The following KAT8 variants were observed in gnomAD, a reference collection of about 807,000 sequenced individuals.
The protein encoded by KAT8 is histone acetyltransferase KAT8.
KAT8 carries 40 observed loss-of-function variants against 62.9 expected under a neutral mutation model. The observed-to-expected ratio is 0.64, with a 90% CI of 0.49 to 0.83. KAT8 has a LOEUF of 0.83. KAT8 is among the 40% of genes least tolerant of loss of function. KAT8 has a pLI of 0.00. For missense variants in KAT8, 387 were observed against 614.8 expected (o/e 0.63, Z 3.92); for synonymous variants, 278 against 254.5 (o/e 1.09, Z -0.88).
intron 3 of KAT8, among the ~76,000 whole-genome samples, chr16:31,122,946 C>A (rs769398052): frequency 6.6e-6 from 1 of 151,902 alleles, no homozygotes; most frequent in South Asian, 2.1e-4. Flanking sequence ...CTTTGGGAGG[C>A]GGAGGTGGGT....
In KAT8 at chr16:31,130,784, C is replaced by A; in HGVS notation, c.1196C>A (p.Thr399Asn). 1 of 1,614,194 alleles carries A rather than the reference C, an allele frequency of 6.2e-7. No individual in the cohort carries two copies. The highest frequency in any genetic ancestry group is 8.5e-7 in the Non-Finnish European group (1 of 1,180,034). ...TSITQNDIISTLQSLNMVKYW... is the reference protein window; with the variant it reads ...TSITQNDIISNLQSLNMVKYW... ...ATCACCCAAAATGACATCATCAGTA[C>A]CCTGCAATCCCTCAATATGGTCAAG... The change falls in exon 10 of 11, where the codon ACC (threonine) becomes AAC (asparagine). Residue 399 changes from threonine (T) to asparagine (N), a missense_variant. Thr to Asn is a moderately conservative substitution (Grantham distance 65, BLOSUM62 0). Coordinates refer to ENST00000219797, the MANE Select transcript of KAT8 (RefSeq NM_032188.3).
Position 31,117,847 on chromosome 16 carries a change from G to T in KAT8, c.166G>T (p.Glu56Ter). The change falls in exon 1 of 11, where the codon GAG becomes TAG. Residue 56 changes from glutamate (E) to a stop codon, truncating the protein, a stop_gained. Coordinates refer to ENST00000219797, the MANE Select transcript of KAT8 (RefSeq NM_032188.3). LOFTEE classifies it high-confidence loss of function. ...PARGEPEVTV[E>*]IGETYLCRRP... Reference sequence around the variant, plus strand: ...GCGCGGCGAGCCGGAAGTCACGGTGGAGATCGGAGAAACGTACCTGTGCCG... The same window carrying T: ...GCGCGGCGAGCCGGAAGTCACGGTGTAGATCGGAGAAACGTACCTGTGCCG... 1 of 1,438,320 alleles carries T rather than the reference G, an allele frequency of 7.0e-7. No homozygotes were observed. Among genetic ancestry groups the T allele is most frequent in the African/African-American group, 1.5e-5 (1 of 67,666 alleles). 89.1% of individuals were successfully genotyped at this position (1,438,320 alleles called of 1,614,324 possible).
chr16:31,117,991 GC>G, intron 1 of KAT8, 99 bp downstream of exon 1: 2 of 951,258 alleles, frequency 2.1e-6, no homozygotes, highest in Non-Finnish European at 2.8e-6. Flanking sequence ...AGATCCGGGG[GC>G]TGGGAGTGGA....
In KAT8 at chr16:31,117,673, C is replaced by A; in HGVS notation, c.-9C>A. ...GGCGTCCGATTCTGGCGTCACTTCC[C>A]TTCCCGCGATGGCGGCACAGGGAGC... On this transcript the variant is annotated 5_prime_UTR_variant, in exon 1 of 11. Transcript: ENST00000219797. 7.2e-7 allele frequency: 1 copy of A among 1,388,032 alleles called. No individual in the cohort carries two copies. Among genetic ancestry groups the A allele is most frequent in the South Asian group, 1.6e-5 (1 of 62,814 alleles). 86.0% of individuals were successfully genotyped at this position (1,388,032 alleles called of 1,614,324 possible).
chr16:31,130,828 G>A lies in KAT8; in HGVS notation c.1240G>A (p.Val414Met), dbSNP rs769565083. 6 of 1,613,856 alleles carry A rather than the reference G, an allele frequency of 3.7e-6. No individual in the cohort carries two copies. The highest frequency in any genetic ancestry group is 5.1e-6 in the Non-Finnish European group (6 of 1,179,990). The change falls in exon 10 of 11, where the codon GTG becomes ATG. Residue 414 changes from valine to methionine, a missense_variant. Around this residue, in one of 6 missense-constraint regions of KAT8, gnomAD observed 75 missense variants for 105.7 expected, o/e 0.71. Coordinates refer to ENST00000219797, the MANE Select transcript of KAT8 (RefSeq NM_032188.3). ...GGTCAAGTACTGGAAGGGCCAGCAC[G>A]TGATCTGTGTCACACCCAAGCTGGT... ...NMVKYWKGQH[V>M]ICVTPKLVEE...
intron 7 of KAT8, 40 bp from the exon 8 acceptor site, chr16:31,130,227 C>T (rs1273749342): frequency 8.7e-6 from 14 of 1,612,692 alleles, no homozygotes; most frequent in African/African-American, 2.7e-5. Flanking sequence ...GAGAGTGGGG[C>T]AGAGCCTCCC....
At chr16:31,130,657 A>G in intron 9 of KAT8, 51 bp downstream of exon 9, 1 of 1,611,106 alleles carries the variant, frequency 6.2e-7, no homozygotes, top group South Asian at 1.1e-5. Context: ...GAGATGGGCC[A>G]CGATCCTGCT....
At chr16:31,118,391 A>G (rs1260141527) in intron 1 of KAT8, 4 of 152,646 alleles carry the variant, frequency 2.6e-5, no homozygotes, top group Admixed American at 6.6e-5. Context: ...TCTAGCCAAC[A>G]CTAGGAAAGG....
chr16:31,130,011 C>A lies in KAT8; in HGVS notation c.772-6C>A. ...CTGAGCCTGTCTCCCCCCTCCTCAA[C>A]CCTAGATTTACTGTCAGAACCTGTG... On this transcript the variant is annotated splice_region_variant and splice_polypyrimidine_tract_variant and intron_variant, in intron 6 of 10. Coordinates refer to ENST00000219797, the MANE Select transcript of KAT8 (RefSeq NM_032188.3). The A allele has an allele frequency of 1.2e-6, 2 of 1,614,144 alleles. No individual in the cohort carries two copies. Among genetic ancestry groups the A allele is most frequent in the Non-Finnish European group, 1.7e-6 (2 of 1,180,010 alleles).
At chr16:31,126,777 C>A in intron 3 of KAT8, 1 of 523,642 alleles carries the variant, frequency 1.9e-6, no homozygotes, top group East Asian at 3.3e-5. Flanking sequence ...CTGATCCTAA[C>A]CCTGTTCATC....
chr16:31,119,428 G>A (rs1281180114), intron 1 of KAT8, among the ~76,000 whole-genome samples: 2 of 152,156 alleles, frequency 1.3e-5, no homozygotes, highest in African/African-American at 4.8e-5. Flanking sequence ...GATTACAGGC[G>A]TGAGCCACGA....
chr16:31,120,579 C>T (rs2057485825), intron 3 of KAT8, 65 bp downstream of exon 3: 16 of 1,500,626 alleles, frequency 1.1e-5, no homozygotes, highest in East Asian at 2.4e-5. Context: ...CCTTGGGTCT[C>T]TCGGGCCCCA....
At chr16:31,122,043 G>A (rs762308848) in intron 3 of KAT8, among the ~76,000 whole-genome samples, 1 of 152,132 alleles carries the variant, frequency 6.6e-6, no homozygotes, top group Non-Finnish European at 1.5e-5. Context: ...GAGCCACTGC[G>A]CCCGACCAAG....
intron 6 of KAT8, among the ~76,000 whole-genome samples, chr16:31,129,594 C>G (rs2057557688): frequency 6.6e-6 from 1 of 152,196 alleles, no homozygotes; most frequent in South Asian, 2.1e-4. Context: ...CTCGAGGTTC[C>G]TCCATTCAGC....
chr16:31,123,970 A>G (rs2057516781), intron 3 of KAT8: 2 of 152,216 alleles, frequency 1.3e-5, no homozygotes, highest in Non-Finnish European at 2.9e-5. Context: ...AAATCAAAGA[A>G]TAGGTAATGA....
Position 31,120,425 on chromosome 16 carries a change from A to G in KAT8, c.373A>G (p.Lys125Glu). 6.2e-7 allele frequency: 1 copy of G among 1,613,976 alleles called. No homozygotes were observed. ...GGATGCTGTACAGAAGAACTCAGAG[A>G]AGTACCTGAGCGAGCTCGCAGAGCA... ...VKDAVQKNSE[K>E]YLSELAEQPE... Residue 125 changes from lysine (K) to glutamate (E), a missense_variant, in exon 3 of 11, where the codon AAG (lysine) becomes GAG (glutamate). Around this residue, in one of 6 missense-constraint regions of KAT8, gnomAD observed 69 missense variants for 127.0 expected, o/e 0.54. Transcript: ENST00000219797.
rs2057457472 is a variant in KAT8 at position 31,117,692 on chromosome 16, A to G, written c.11A>G (p.Gln4Arg). The G allele has an allele frequency of 5.7e-6, 8 of 1,397,216 alleles. No homozygotes were observed. In the African/African-American group the frequency reaches 6.1e-5, roughly 11 times the overall value. 86.6% of individuals were successfully genotyped at this position (1,397,216 alleles called of 1,614,324 possible). A position where few individuals can be genotyped will look rare whatever the true frequency, so the allele number is the denominator to read the frequency against. Residue 4 changes from glutamine (Q) to arginine (R), a missense_variant, in exon 1 of 11, where the codon CAG becomes CGG. Transcript: ENST00000219797. The part of the protein sequence containing the change: MAA[Q>R]GAAAAVAAGT... The stretch of plus-strand genomic sequence containing the variant: ...ACTTCCCTTCCCGCGATGGCGGCAC[A>G]GGGAGCTGCTGCGGCGGTTGCGGCG...
intron 9 of KAT8, 48 bp downstream of exon 9, chr16:31,130,654 G>T (rs1490585471): frequency 3.1e-6 from 5 of 1,611,194 alleles, no homozygotes; most frequent in Non-Finnish European, 4.2e-6. Context: ...CCTGAGATGG[G>T]CCACGATCCT....
At chr16:31,122,011 A>G (rs527773316) in intron 3 of KAT8, among the ~76,000 whole-genome samples, 29 of 152,244 alleles carry the variant, frequency 1.9e-4, no homozygotes, top group African/African-American at 6.7e-4. Flanking sequence ...TTAGCCTCCC[A>G]AAGTGCTGGG....
Sources: allele counts gnomAD v4.1 joint callset (sites outside exome capture counted in the v4.1 genomes callset), GRCh38; gene constraint gnomAD v4.1.1; regional missense constraint gnomAD v4.1.1; transcripts MANE v1.5; gene names NCBI Gene and HGNC (gene_info 2026-07-23, HGNC 2026-07-21).